Variants in TMEM87A observed in about 807,000 individuals in gnomAD.
TMEM87A encodes the protein Golgi-pH regulating cation channel.
A neutral mutation model predicts 90.0 loss-of-function variants in TMEM87A; 50 were observed. That is an observed-to-expected ratio of 0.56 (90% CI 0.44 to 0.70). TMEM87A has a LOEUF of 0.70. TMEM87A is among the 30% of genes least tolerant of loss of function. TMEM87A has a pLI of 0.00. For missense variants in TMEM87A, 577 were observed against 660.5 expected (o/e 0.87, Z 1.39); for synonymous variants, 226 against 226.7 (o/e 1.00, Z 0.03).
chr15:42,244,954 C>G (rs2050944365), intron 6 of TMEM87A, among the ~76,000 whole-genome samples: 1 of 151,512 alleles, frequency 6.6e-6, no homozygotes, highest in African/African-American at 2.4e-5. Context: ...GTGAACCCCC[C>G]AAAATGAATA....
intron 6 of TMEM87A, among the ~76,000 whole-genome samples, chr15:42,249,752 G>T (rs2051049287): frequency 6.6e-6 from 1 of 152,252 alleles, no homozygotes; most frequent in East Asian, 1.9e-4. Flanking sequence ...ACAATCTGCT[G>T]ATTTGGGGTG....
chr15:42,239,195 C>T (rs2050828724), intron 8 of TMEM87A, among the ~76,000 whole-genome samples: 1 of 152,124 alleles, frequency 6.6e-6, no homozygotes, highest in African/African-American at 2.4e-5. Context: ...CGCCTACCAC[C>T]ACGCCCAGCT....
intron 6 of TMEM87A, among the ~76,000 whole-genome samples, chr15:42,255,931 A>G (rs941580835): frequency 2.8e-5 from 3 of 109,060 alleles, no homozygotes; most frequent in Non-Finnish European, 5.4e-5. Context: ...CACCACACCC[A>G]GCTAATTTTT....
intron 6 of TMEM87A, 106 bp from the exon 7 acceptor site, chr15:42,244,273 A>G (rs1344253219): frequency 1.4e-6 from 1 of 702,332 alleles, no homozygotes; most frequent in Admixed American, 3.4e-5. Context: ...GAAATATGGT[A>G]AAGTCCTTCT....
intron 2 of TMEM87A, among the ~76,000 whole-genome samples, chr15:42,271,019 G>A (rs1348698503): frequency 3.9e-5 from 6 of 152,196 alleles, no homozygotes; most frequent in East Asian, 1.9e-4. Flanking sequence ...CGTGAAGACA[G>A]TATGCATAGA....
intron 19 of TMEM87A, among the ~76,000 whole-genome samples, chr15:42,212,354 C>T (rs566118734): frequency 6.6e-6 from 1 of 152,254 alleles, no homozygotes; most frequent in South Asian, 2.1e-4. Context: ...TTGCGAAGTA[C>T]CTCTCACTAT....
intron 1 of TMEM87A, 64 bp from the exon 2 acceptor site, chr15:42,272,187 T>A (rs1301981120): frequency 1.7e-6 from 2 of 1,158,586 alleles, no homozygotes; most frequent in South Asian, 1.4e-5. Context: ...ATCATATAAC[T>A]ATCTAAGACT....
intron 6 of TMEM87A, among the ~76,000 whole-genome samples, chr15:42,250,642 C>T (rs1317699244): frequency 6.6e-6 from 1 of 152,176 alleles, no homozygotes. Context: ...GTGGGTAACC[C>T]GACCTTTCTC....
chr15:42,269,578 T>C (rs1180384158), intron 2 of TMEM87A, among the ~76,000 whole-genome samples: 1 of 152,062 alleles, frequency 6.6e-6, no homozygotes, highest in African/African-American at 2.4e-5. Flanking sequence ...GTAAGGAAAT[T>C]TGGCAGCAAA....
Position 42,273,192 on chromosome 15 carries a change from T to G in TMEM87A, c.144+63A>C, listed in dbSNP as rs114353354. On this transcript the variant is annotated intron_variant, in intron 1 of 19. Transcript: ENST00000389834. ...TTTTGCGGAACCTTCATGGACCCCT[T>G]GGGCCGCCGTAGCCCCACCCCTTGC... The G allele has an allele frequency of 2.5e-3, 4,077 of 1,600,908 alleles. 90 individuals carry two copies. The African/African-American group carries it at 0.049, about 19-fold the overall frequency.
chr15:42,223,353 A>T (rs904736983), intron 15 of TMEM87A, among the ~76,000 whole-genome samples: 3 of 152,082 alleles, frequency 2.0e-5, no homozygotes, highest in Non-Finnish European at 4.4e-5. Context: ...AGGTTGCTCC[A>T]CTACACTCCA....
chr15:42,243,579 G>C (rs2050914603), intron 7 of TMEM87A, among the ~76,000 whole-genome samples: 1 of 149,894 alleles, frequency 6.7e-6, no homozygotes, highest in African/African-American at 2.5e-5. Flanking sequence ...GAGTGGAATG[G>C]CGTGATCTCG....
At chr15:42,260,013 G>GA (rs2051257968) in intron 6 of TMEM87A, among the ~76,000 whole-genome samples, 2 of 151,950 alleles carry the variant, frequency 1.3e-5, no homozygotes, top group African/African-American at 2.4e-5. Flanking sequence ...TCTGGAATTA[G>GA]CGATTGGTGC....
At chr15:42,246,133 T>C (rs895456712) in intron 6 of TMEM87A, among the ~76,000 whole-genome samples, 2 of 152,230 alleles carry the variant, frequency 1.3e-5, no homozygotes, top group African/African-American at 4.8e-5. Context: ...GGACATTTCA[T>C]ATAAATGGGT....
At chr15:42,270,746 T>G (rs1385816419) in intron 2 of TMEM87A, among the ~76,000 whole-genome samples, 1 of 152,214 alleles carries the variant, frequency 6.6e-6, no homozygotes, top group Non-Finnish European at 1.5e-5. Context: ...AGTAAACCAA[T>G]CTCACAAGGC....
chr15:42,217,814 C>G lies in TMEM87A; in HGVS notation c.1615G>C (p.Asp539His). The change falls in exon 19 of 20, where the codon GAT becomes CAT. Residue 539 changes from aspartate to histidine, a missense_variant. Asp to His is a moderately conservative substitution (Grantham distance 81). Coordinates refer to ENST00000389834, the MANE Select transcript of TMEM87A (RefSeq NM_015497.5). ...AATTGAGTACCAACCTCATCTGAAT[C>G]CAGAAGGGCTGGAAGTGCTCTGCAA... ...VTDVALPALL[D>H]SDEERMITHF... 1 of 1,612,648 alleles carries G rather than the reference C, an allele frequency of 6.2e-7. No individual in the cohort carries two copies. Among genetic ancestry groups the G allele is most frequent in the East Asian group, 2.2e-5 (1 of 44,752 alleles).
intron 6 of TMEM87A, among the ~76,000 whole-genome samples, chr15:42,245,521 T>A (rs896164542): frequency 2.5e-5 from 2 of 79,986 alleles, no homozygotes; most frequent in African/African-American, 2.1e-4. Flanking sequence ...CATTTATTAC[T>A]TTTTTTTTTT....
chr15:42,266,385 A>G (rs975091729), intron 3 of TMEM87A, among the ~76,000 whole-genome samples: 39 of 152,078 alleles, frequency 2.6e-4, no homozygotes, highest in Non-Finnish European at 3.8e-4. Context: ...GTGTGGTGGC[A>G]GACACCTGTA....
rs2050906151 is a variant in TMEM87A at position 42,243,267 on chromosome 15, CAAAA to C, written c.622+779_622+782del. Among the ~76,000 whole-genome samples the C allele has an allele frequency of 3.1e-5, 4 of 127,852 alleles. No individual in the cohort carries two copies. The South Asian group carries it at 1.0e-3, about 33-fold the overall frequency. The allele number at this position is 127,852 out of a possible 152,430, so 83.9% of individuals were successfully genotyped here. ...TGGGCGACAGAGTGAGATTCCATCTCAAAAATAAATAAATAAATAAATAAATAAA... is the reference window on the plus strand; with the variant it reads ...TGGGCGACAGAGTGAGATTCCATCTCATAAATAAATAAATAAATAAATAAA... On this transcript the variant is annotated intron_variant, in intron 7 of 19. Coordinates refer to ENST00000389834, the MANE Select transcript of TMEM87A (RefSeq NM_015497.5).
Sources: allele counts gnomAD v4.1 joint callset (sites outside exome capture counted in the v4.1 genomes callset), GRCh38; gene constraint gnomAD v4.1.1; transcripts MANE v1.5; gene names NCBI Gene and HGNC (gene_info 2026-07-23, HGNC 2026-07-21).